Variants in TENM2 observed in about 807,000 individuals in gnomAD.
The protein encoded by TENM2 is teneurin-2.
A neutral mutation model predicts 245.2 loss-of-function variants in TENM2; 52 were observed. That is an observed-to-expected ratio of 0.21 (90% CI 0.17 to 0.27). The LOEUF is 0.27. TENM2 is among the 10% of genes least tolerant of loss of function. The probability of loss-of-function intolerance (pLI) is 1.00; values close to 1 mark genes in which losing one functional copy is unlikely to be tolerated. For missense variants in TENM2, 3,046 were observed against 3,666.8 expected (o/e 0.83, Z 4.37); for synonymous variants, 1,363 against 1,438.9 (o/e 0.95, Z 1.19).
intron 23 of TENM2, among the ~76,000 whole-genome samples, chr5:168,221,913 CTCAATGTCTCA>C (rs977438409): frequency 3.3e-5 from 5 of 152,312 alleles, no homozygotes; most frequent in African/African-American, 1.2e-4. Context: ...CTCTCTGAGC[CTCAATGTCTCA>C]TCTGTTACAT....
At chr5:168,178,291 T>C (rs1167048977) in intron 13 of TENM2, among the ~76,000 whole-genome samples, 2 of 152,096 alleles carry the variant, frequency 1.3e-5, no homozygotes, top group Non-Finnish European at 2.9e-5. Flanking sequence ...GTGTGACCTG[T>C]CAGTGGGCTC....
intron 2 of TENM2, among the ~76,000 whole-genome samples, chr5:167,658,971 T>C (rs897221590): frequency 6.6e-6 from 1 of 152,216 alleles, no homozygotes; most frequent in Non-Finnish European, 1.5e-5. Flanking sequence ...AAATAAAGAA[T>C]AAAGCCATTC....
At chr5:167,579,817 G>C (rs1027400072) in intron 2 of TENM2, among the ~76,000 whole-genome samples, 6 of 152,158 alleles carry the variant, frequency 3.9e-5, no homozygotes, top group African/African-American at 1.2e-4. Context: ...ATTGTGGTGA[G>C]TTTCTTCAGT....
At chr5:167,234,004 AT>A in the TENM2 span, among the ~76,000 whole-genome samples, 10 of 149,350 alleles carry the variant, frequency 6.7e-5, no homozygotes, top group African/African-American at 2.3e-4. Context: ...ACACTCAACA[AT>A]GCCCAGATGC....
At chr5:167,481,624 T>A (rs1049618171) in intron 2 of TENM2, among the ~76,000 whole-genome samples, 1 of 152,158 alleles carries the variant, frequency 6.6e-6, no homozygotes, top group Admixed American at 6.5e-5. Flanking sequence ...GTCACGTACC[T>A]GTGTGAACAG....
chr5:167,790,144 C>T (rs140436943), intron 2 of TENM2, among the ~76,000 whole-genome samples: 159 of 152,062 alleles, frequency 1.0e-3, no homozygotes, highest in Middle Eastern at 3.4e-3. Flanking sequence ...TGGAGCCATG[C>T]CCCGGCTTTG....
At chr5:167,242,981 C>T in the TENM2 span, among the ~76,000 whole-genome samples, 1 of 150,784 alleles carries the variant, frequency 6.6e-6, no homozygotes, top group South Asian at 2.1e-4. Flanking sequence ...AGATTCTGTG[C>T]GTATGTAAAT....
intron 20 of TENM2, among the ~76,000 whole-genome samples, chr5:168,212,523 C>G (rs1477739075): frequency 6.6e-6 from 1 of 152,202 alleles, no homozygotes; most frequent in Non-Finnish European, 1.5e-5. Context: ...CACTACTCAA[C>G]GGAATGCTTC....
rs553651763 is a variant in TENM2, at chr5:167,755,095, A to C, written c.503-120891A>C. 1.9e-6 allele frequency: 3 copies of C among 1,598,994 alleles called. No individual in the cohort carries two copies. In the South Asian group the frequency reaches 3.3e-5, roughly 18 times the overall value. On this transcript the variant is annotated intron_variant, in intron 2 of 28. Transcript: ENST00000518659. The stretch of plus-strand genomic sequence containing the variant: ...TCCTGATCATTAGCGTTGCTGGCAC[A>C]ATTGAATGCAAGCCAGATCATCTCT...
chr5:168,058,485 A>G (rs1238813821), intron 6 of TENM2, among the ~76,000 whole-genome samples: 2 of 152,200 alleles, frequency 1.3e-5, no homozygotes, highest in African/African-American at 2.4e-5. Flanking sequence ...ATTGCTATAG[A>G]AACACAGAGA....
intron 2 of TENM2, among the ~76,000 whole-genome samples, chr5:167,735,853 C>T (rs1030516528): frequency 3.9e-5 from 6 of 151,992 alleles, no homozygotes; most frequent in African/African-American, 7.3e-5. Context: ...GTTCTATGAC[C>T]GGTTCATACC....
chr5:167,584,617 A>G lies in TENM2; in HGVS notation c.502+209144A>G, dbSNP rs147082093. On this transcript the variant is annotated intron_variant, in intron 2 of 28. Coordinates refer to ENST00000518659, the Ensembl canonical transcript of TENM2. ...GTTTTCCTTTTCATTCAGTTCTAGG[A>G]AGTCAGCATCAATCGGCCTTAGATT... Among the ~76,000 whole-genome samples the G allele has an allele frequency of 5.7e-3, 865 of 151,986 alleles. 5 individuals carry two copies. Among genetic ancestry groups the G allele is most frequent in the African/African-American group, 0.019 (798 of 41,448 alleles).
chr5:167,359,869 G>A (rs1468319079), intron 1 of TENM2, among the ~76,000 whole-genome samples: 3 of 152,158 alleles, frequency 2.0e-5, no homozygotes, highest in Admixed American at 6.5e-5. Flanking sequence ...GCCCTTTGCA[G>A]GATCATGGAT....
At chr5:167,246,948 A>G in the TENM2 span, among the ~76,000 whole-genome samples, 50 of 152,152 alleles carry the variant, frequency 3.3e-4, no homozygotes, top group African/African-American at 1.1e-3. Flanking sequence ...TGACAAGTTT[A>G]TAGCAAATTA....
At chr5:167,067,998 G>A in the TENM2 span, among the ~76,000 whole-genome samples, 19 of 152,330 alleles carry the variant, frequency 1.2e-4, no homozygotes, top group African/African-American at 4.6e-4. Flanking sequence ...AACATCCACA[G>A]CACATGGTGG....
In TENM2 at chr5:168,247,449, C is replaced by T; in HGVS notation, c.6510C>T (p.Ser2170=). The stretch of plus-strand genomic sequence containing the variant: ...AGGTCCAGTATGAGATGTTCCGGTC[C>T]CTCATGTACTGGATGACGGTGCAAT... The change falls in exon 27 of 29, where the codon TCC becomes TCT. Residue 2170 remains serine, a synonymous_variant. Coordinates refer to ENST00000518659, the Ensembl canonical transcript of TENM2. The surrounding 1 kb of genome is among the most constrained non-coding windows in gnomAD (Gnocchi z 7.8). The T allele has an allele frequency of 1.9e-6, 3 of 1,613,010 alleles. No individual in the cohort carries two copies. Among genetic ancestry groups the T allele is most frequent in the Non-Finnish European group, 2.5e-6 (3 of 1,179,156 alleles).
chr5:167,821,727 T>C (rs966214397), intron 2 of TENM2, among the ~76,000 whole-genome samples: 4 of 152,302 alleles, frequency 2.6e-5, no homozygotes, highest in African/African-American at 9.6e-5. Flanking sequence ...TTGCTATAAA[T>C]GTATTATTAC....
intron 2 of TENM2, among the ~76,000 whole-genome samples, chr5:167,635,166 T>C (rs191635799): frequency 8.5e-4 from 130 of 152,340 alleles, no homozygotes; most frequent in South Asian, 7.2e-3. Context: ...AATATGTGTA[T>C]ATAATCTATA....
chr5:167,990,807 T>C (rs1296643447), intron 4 of TENM2, among the ~76,000 whole-genome samples: 1 of 152,228 alleles, frequency 6.6e-6, no homozygotes, highest in Non-Finnish European at 1.5e-5. Context: ...ATATTGGGTT[T>C]GTTTGATCTC....
Sources: allele counts gnomAD v4.1 joint callset (sites outside exome capture counted in the v4.1 genomes callset), GRCh38; gene constraint gnomAD v4.1.1; non-coding constraint Gnocchi (gnomAD v3.1); transcripts MANE v1.5; gene names NCBI Gene and HGNC (gene_info 2026-07-23, HGNC 2026-07-21).